Variants in HADHA observed in about 807,000 individuals in gnomAD.
HADHA encodes the protein hydroxyacyl-CoA dehydrogenase trifunctional multienzyme complex subunit alpha.
Under a neutral mutation model 91.3 loss-of-function variants are expected in HADHA, and 59 were observed. That is an observed-to-expected ratio of 0.65 (90% CI 0.52 to 0.80). HADHA has a LOEUF of 0.80. Ranked by LOEUF, HADHA falls within the 30% of genes least tolerant of loss-of-function variation. HADHA has a pLI of 0.00. For missense variants in HADHA, 800 were observed against 927.6 expected (o/e 0.86, Z 1.79); for synonymous variants, 320 against 338.9 (o/e 0.94, Z 0.61).
chr2:26,238,585 A>C (rs1020020119), intron 3 of HADHA, among the ~76,000 whole-genome samples: 1 of 152,228 alleles, frequency 6.6e-6, no homozygotes, highest in South Asian at 2.1e-4. Flanking sequence ...GTAATGAAGA[A>C]AATGGATTAA....
At chr2:26,241,511 C>T (rs542866504) in intron 1 of HADHA, among the ~76,000 whole-genome samples, 14 of 151,516 alleles carry the variant, frequency 9.2e-5, no homozygotes, top group African/African-American at 2.2e-4. Context: ...GTTAGCTGGG[C>T]GTGGTGGCAG....
intron 1 of HADHA, among the ~76,000 whole-genome samples, chr2:26,240,103 C>T (rs544220769): frequency 6.6e-6 from 1 of 152,302 alleles, no homozygotes; most frequent in South Asian, 2.1e-4. Flanking sequence ...CGGATTCTGT[C>T]TACAGTGATC....
At chr2:26,198,657 G>T (rs1343229505) in intron 13 of HADHA, among the ~76,000 whole-genome samples, 1 of 52,836 alleles carries the variant, frequency 1.9e-5, no homozygotes, top group African/African-American at 1.6e-4. Flanking sequence ...ACTGCCTTAA[G>T]ATTTAAAAAA....
intron 10 of HADHA, among the ~76,000 whole-genome samples, chr2:26,211,301 G>T (rs1389991496): frequency 1.3e-5 from 2 of 151,928 alleles, no homozygotes; most frequent in African/African-American, 2.4e-5. Flanking sequence ...TCTAGTACCA[G>T]AAGTGTTTTT....
In HADHA at chr2:26,191,315, GTT is replaced by G; in HGVS notation, c.2225_2226del (p.Lys742ThrfsTer10). The G allele has an allele frequency of 6.2e-7, 1 of 1,613,882 alleles. No individual in the cohort carries two copies. Among genetic ancestry groups the G allele is most frequent in the East Asian group, 2.2e-5 (1 of 44,880 alleles). ...RLKKYEAAYG[K>X]QFTPCQLLAD... is the part of the protein sequence containing the mutation. ...GCTAGCAGCTGGCATGGGGTGAACT[GTT>G]TTCCATAGGCAGCTTCATATTTCTT... On this transcript the variant is annotated frameshift_variant, in exon 20 of 20. Coordinates refer to ENST00000380649, the MANE Select transcript of HADHA (RefSeq NM_000182.5). LOFTEE classifies it high-confidence loss of function.
rs760967658 is a variant in HADHA, at chr2:26,194,652, G to C, written c.1621-14C>G. On this transcript the variant is annotated splice_polypyrimidine_tract_variant and intron_variant, in intron 15 of 19. Coordinates refer to ENST00000380649, the MANE Select transcript of HADHA (RefSeq NM_000182.5). ...GCCAGGTCCATCCTGCCAAGGAAGAGAACATGAGCTCCCTGGCCCTGCTGC... is the reference window on the plus strand; with the variant it reads ...GCCAGGTCCATCCTGCCAAGGAAGACAACATGAGCTCCCTGGCCCTGCTGC... 1.9e-6 allele frequency: 3 copies of C among 1,581,998 alleles called. No individual in the cohort carries two copies. Among genetic ancestry groups the C allele is most frequent in the South Asian group, 2.2e-5 (2 of 90,400 alleles).
At chr2:26,238,872 C>T in intron 3 of HADHA, 62 bp downstream of exon 3, 3 of 967,250 alleles carry the variant, frequency 3.1e-6, no homozygotes, top group Non-Finnish European at 5.1e-6. Context: ...ATACATCTTT[C>T]CCATTCAGGA....
At chr2:26,192,684 G>A (rs964675635) in intron 17 of HADHA, among the ~76,000 whole-genome samples, 5 of 152,022 alleles carry the variant, frequency 3.3e-5, no homozygotes, top group Admixed American at 2.0e-4. Context: ...AGGTGGAGAC[G>A]AGATTATGCC....
chr2:26,230,985 T>G (rs1670608468), intron 6 of HADHA, among the ~76,000 whole-genome samples: 1 of 152,096 alleles, frequency 6.6e-6, no homozygotes, highest in African/African-American at 2.4e-5. Context: ...CTGATAGTTT[T>G]GACAAAGTCT....
intron 7 of HADHA, among the ~76,000 whole-genome samples, chr2:26,224,275 A>G (rs1033937475): frequency 6.6e-6 from 1 of 152,238 alleles, no homozygotes; most frequent in African/African-American, 2.4e-5. Context: ...TGTGTAAACT[A>G]TCAAAGTAAG....
At chr2:26,209,281 G>A (rs966355361) in intron 11 of HADHA, among the ~76,000 whole-genome samples, 3 of 152,188 alleles carry the variant, frequency 2.0e-5, no homozygotes, top group Admixed American at 2.0e-4. Context: ...GAGCTATTAG[G>A]CAGCGTAATA....
chr2:26,242,944 G>T (rs894295436), intron 1 of HADHA, among the ~76,000 whole-genome samples: 3 of 152,134 alleles, frequency 2.0e-5, no homozygotes, highest in Non-Finnish European at 2.9e-5. Flanking sequence ...GTAGAGACGG[G>T]GTTTCACCGT....
rs13432513 is a variant in HADHA, at chr2:26,193,288, G to T, written c.1885+289C>A. Among the ~76,000 whole-genome samples, 2,427 of 120,200 alleles carry T rather than the reference G, an allele frequency of 0.02. 87 individuals carry two copies. The highest frequency in any genetic ancestry group is 0.076 in the African/African-American group (2,316 of 30,640). The allele number at this position is 120,200 out of a possible 152,430, so 78.9% of individuals were successfully genotyped here. On this transcript the variant is annotated intron_variant, in intron 17 of 19. Coordinates refer to ENST00000380649, the MANE Select transcript of HADHA (RefSeq NM_000182.5). ...GTCCTAGCCCTTAGAAGGTTCACAT[G>T]ACATCTTTTTTTTTTTTTTTTTTTG... is the stretch of plus-strand genomic sequence containing the variant.
Position 26,214,737 on chromosome 2 carries a change from T to C in HADHA, c.800-176A>G, listed in dbSNP as rs1574615146. 2.6e-5 allele frequency among the ~76,000 whole-genome samples: 4 copies of C among 152,336 alleles called. No homozygotes were observed. The highest frequency in any genetic ancestry group is 1.9e-4 in the East Asian group (1 of 5,190). ...GCACTACCTTAAACATGCTAAGTGATGAATGTTAAAGCTGGGCCTTGGGTA... is the reference window on the plus strand; with the variant it reads ...GCACTACCTTAAACATGCTAAGTGACGAATGTTAAAGCTGGGCCTTGGGTA... On this transcript the variant is annotated intron_variant, in intron 8 of 19. Coordinates refer to ENST00000380649, the MANE Select transcript of HADHA (RefSeq NM_000182.5). This position sits in a 1 kb window ranked among gnomAD's most constrained non-coding sequence, Gnocchi z 4.1.
At chr2:26,236,339 ATGTGTGTG>A (rs752287719) in intron 4 of HADHA, among the ~76,000 whole-genome samples, 1 of 109,856 alleles carries the variant, frequency 9.1e-6, no homozygotes. Flanking sequence ...AGATCACATG[ATGTGTGTG>A]TGTGTGTGTG....
chr2:26,196,113 C>T (rs558894054), intron 14 of HADHA, among the ~76,000 whole-genome samples: 1 of 152,174 alleles, frequency 6.6e-6, no homozygotes, highest in Admixed American at 6.5e-5. Flanking sequence ...TACATTTAAT[C>T]CATTACAACC....
In HADHA at chr2:26,214,023, T is replaced by G. The variant is rs1649961994; in HGVS notation, c.918+420A>C. Among the ~76,000 whole-genome samples, 1 of 152,232 alleles carries G rather than the reference T, an allele frequency of 6.6e-6. No individual in the cohort carries two copies. The highest frequency in any genetic ancestry group is 2.4e-5 in the African/African-American group (1 of 41,462). On this transcript the variant is annotated intron_variant, in intron 9 of 19. Coordinates refer to ENST00000380649, the MANE Select transcript of HADHA (RefSeq NM_000182.5). The surrounding 1 kb of genome is among the most constrained non-coding windows in gnomAD (Gnocchi z 4.1). ...AGAGCTTCTCTACATCATTACATCTTTTTTATAATTACAGCAATGAAGAAG... is the reference window on the plus strand; with the variant it reads ...AGAGCTTCTCTACATCATTACATCTGTTTTATAATTACAGCAATGAAGAAG...
At chr2:26,225,475 G>T (rs778294476) in intron 7 of HADHA, among the ~76,000 whole-genome samples, 1 of 150,200 alleles carries the variant, frequency 6.7e-6, no homozygotes, top group East Asian at 1.9e-4. Flanking sequence ...CCAACACCAC[G>T]CAAAAATATC....
intron 4 of HADHA, among the ~76,000 whole-genome samples, chr2:26,236,420 G>GTGTATATATA (rs553522257): frequency 8.6e-6 from 1 of 116,478 alleles, no homozygotes; most frequent in Non-Finnish European, 1.7e-5. Flanking sequence ...GTGTGTGTGT[G>GTGTATATATA]TATATACTTT....
Sources: gnomAD v4.1 joint callset for allele counts (sites outside exome capture counted in the v4.1 genomes callset) on GRCh38, gnomAD v4.1.1 for gene constraint, Gnocchi (gnomAD v3.1) non-coding constraint, MANE v1.5 for transcripts, NCBI Gene and HGNC (gene_info 2026-07-23, HGNC 2026-07-21) for gene names.